MYO3B: variants seen among roughly 807,000 people sequenced by gnomAD.
MYO3B encodes the protein myosin IIIB.
A neutral mutation model predicts 174.6 loss-of-function variants in MYO3B; 156 were observed. That is an observed-to-expected ratio of 0.89 (90% CI 0.78 to 1.02). MYO3B has a LOEUF of 1.02. Ranked by LOEUF, MYO3B falls within the 50% of genes least tolerant of loss-of-function variation. The pLI is 0.00. For synonymous variants in MYO3B, 563 were observed against 569.1 expected (o/e 0.99, Z 0.15); for missense variants, 1,632 against 1,639.4 (o/e 1.00, Z 0.08).
At chr2:170,635,300 A>C (rs1175909442) in intron 32 of MYO3B, among the ~76,000 whole-genome samples, 1 of 152,244 alleles carries the variant, frequency 6.6e-6, no homozygotes, top group Non-Finnish European at 1.5e-5. Flanking sequence ...TGATGGGTTC[A>C]TGTCCTTTGT....
intron 7 of MYO3B, among the ~76,000 whole-genome samples, chr2:170,269,067 A>G (rs536014977): frequency 1.3e-4 from 20 of 152,314 alleles, no homozygotes; most frequent in African/African-American, 4.6e-4. Context: ...GAGTGACGGT[A>G]AGATGCCAGC....
intron 22 of MYO3B, among the ~76,000 whole-genome samples, chr2:170,428,498 A>G (rs1279705873): frequency 1.3e-5 from 2 of 152,166 alleles, no homozygotes; most frequent in Non-Finnish European, 2.9e-5. Context: ...ACTTGCATCT[A>G]GTTATTGCAC....
chr2:170,303,769 T>A (rs751065354), intron 7 of MYO3B, among the ~76,000 whole-genome samples: 8 of 152,180 alleles, frequency 5.3e-5, no homozygotes, highest in Non-Finnish European at 8.8e-5. Flanking sequence ...GGAATATGTA[T>A]CTATTCGTGT....
chr2:170,374,758 TACACACACACACACACAC>T (rs201921789), intron 9 of MYO3B, among the ~76,000 whole-genome samples: 12 of 140,066 alleles, frequency 8.6e-5, no homozygotes, highest in East Asian at 4.5e-4. Context: ...TATGCATACA[TACACACACACACACACAC>T]ACACACACAC....
chr2:170,585,480 AT>A (rs1194437668), intron 32 of MYO3B, among the ~76,000 whole-genome samples: 1 of 152,136 alleles, frequency 6.6e-6, no homozygotes, highest in Non-Finnish European at 1.5e-5. Flanking sequence ...TCCCGCCTGC[AT>A]TGTAGAGCCT....
Position 170,294,505 on chromosome 2 carries a change from A to G in MYO3B, c.750-40880A>G, listed in dbSNP as rs2093616495. 2.6e-5 allele frequency among the ~76,000 whole-genome samples: 4 copies of G among 152,122 alleles called. No homozygotes were observed. The South Asian group carries it at 6.2e-4, about 24-fold the overall frequency. On this transcript the variant is annotated intron_variant, in intron 7 of 34. Transcript: ENST00000408978. ...TTTCTAATTTTATTTTACTGTGGTT[A>G]TATACTGTGATTTGTGTGAATTCAA...
intron 8 of MYO3B, among the ~76,000 whole-genome samples, chr2:170,361,573 A>G (rs563688175): frequency 3.3e-5 from 5 of 152,242 alleles, no homozygotes; most frequent in Non-Finnish European, 7.3e-5. Context: ...AGCGTAGCTT[A>G]AACATAAGAA....
chr2:170,481,467 C>T lies in MYO3B; in HGVS notation c.3014+14756C>T, dbSNP rs543504419. ...TGGCACATGCCTGTGGTCCTAGCTA[C>T]TTGGTAGCTGAGGTGAGAGGATCGC... is the stretch of plus-strand genomic sequence containing the variant. On this transcript the variant is annotated intron_variant, in intron 25 of 34. Coordinates refer to ENST00000408978, the MANE Select transcript of MYO3B (RefSeq NM_138995.5). Among the ~76,000 whole-genome samples, 21 of 152,286 alleles carry T rather than the reference C, an allele frequency of 1.4e-4. No individual in the cohort carries two copies. The South Asian group carries it at 4.4e-3, about 32-fold the overall frequency.
Position 170,652,936 on chromosome 2 carries a change from ATTTGT to A in MYO3B, c.3888-43_3888-39del, listed in dbSNP as rs762364353. On this transcript the variant is annotated intron_variant, in intron 34 of 34. Transcript: ENST00000408978. The stretch of plus-strand genomic sequence containing the variant: ...TAGCTGCCCCAGTGATGATTGTAAC[ATTTGT>A]TTTATTTTTTGTTGAAAATCCTGTT... 3.5e-5 allele frequency: 57 copies of A among 1,609,618 alleles called. No homozygotes were observed. The South Asian group carries it at 5.5e-4, about 16-fold the overall frequency.
At chr2:170,499,498 C>A in intron 26 of MYO3B, 148 bp from the exon 27 acceptor site, 1 of 715,574 alleles carries the variant, frequency 1.4e-6, no homozygotes, top group South Asian at 2.0e-5. Flanking sequence ...TATTTACCTC[C>A]ATGAAGTCAG....
intron 32 of MYO3B, among the ~76,000 whole-genome samples, chr2:170,591,134 G>A (rs2106323470): frequency 6.6e-6 from 1 of 152,220 alleles, no homozygotes; most frequent in South Asian, 2.1e-4. Context: ...CTCAGGTGTA[G>A]GTAATTTTTT....
chr2:170,485,346 C>T (rs1429300445), intron 25 of MYO3B, among the ~76,000 whole-genome samples: 1 of 151,574 alleles, frequency 6.6e-6, no homozygotes, highest in African/African-American at 2.4e-5. Flanking sequence ...CCCAATGATG[C>T]CCCCTCTCTA....
At chr2:170,523,553 C>G (rs1194790038) in intron 30 of MYO3B, among the ~76,000 whole-genome samples, 1 of 152,136 alleles carries the variant, frequency 6.6e-6, no homozygotes, top group African/African-American at 2.4e-5. Flanking sequence ...AAACATTCAA[C>G]CCATAGATTC....
intron 9 of MYO3B, among the ~76,000 whole-genome samples, chr2:170,369,864 C>T (rs1246005755): frequency 1.3e-5 from 2 of 152,034 alleles, no homozygotes; most frequent in Non-Finnish European, 2.9e-5. Context: ...TGCTCTGAGA[C>T]CATTTTCTCT....
At chr2:170,548,383 A>T (rs1016051027) in intron 32 of MYO3B, among the ~76,000 whole-genome samples, 1 of 152,180 alleles carries the variant, frequency 6.6e-6, no homozygotes, top group Admixed American at 6.5e-5. Context: ...AGGAATCTAG[A>T]TACAATGAAG....
At chr2:170,431,835 A>G (rs1441913980) in intron 22 of MYO3B, among the ~76,000 whole-genome samples, 2 of 152,202 alleles carry the variant, frequency 1.3e-5, no homozygotes, top group East Asian at 1.9e-4. Flanking sequence ...AATCCCTTCT[A>G]TATACAGTTA....
chr2:170,434,909 T>G (rs999594613), intron 22 of MYO3B, among the ~76,000 whole-genome samples: 1 of 152,230 alleles, frequency 6.6e-6, no homozygotes, highest in African/African-American at 2.4e-5. Flanking sequence ...ATCCTTCCAC[T>G]TGGACTCCCC....
chr2:170,418,645 C>T (rs1368758659), intron 22 of MYO3B, among the ~76,000 whole-genome samples: 1 of 152,152 alleles, frequency 6.6e-6, no homozygotes, highest in Non-Finnish European at 1.5e-5. Flanking sequence ...ACAGAAGTCC[C>T]TGCACCTCAC....
intron 7 of MYO3B, among the ~76,000 whole-genome samples, chr2:170,271,197 G>A (rs967638130): frequency 2.0e-5 from 3 of 152,154 alleles, no homozygotes; most frequent in Non-Finnish European, 2.9e-5. Flanking sequence ...TGTTAATGGA[G>A]TAAAGAAATG....
Sources: gnomAD v4.1 joint callset for allele counts (sites outside exome capture counted in the v4.1 genomes callset) on GRCh38, gnomAD v4.1.1 for gene constraint, MANE v1.5 for transcripts, NCBI Gene and HGNC (gene_info 2026-07-23, HGNC 2026-07-21) for gene names.